The following SDSL variants were observed in gnomAD, a reference collection of about 807,000 sequenced individuals.
SDSL encodes serine dehydratase-like.
SDSL carries 26 observed loss-of-function variants against 27.6 expected under a neutral mutation model. That is an observed-to-expected ratio of 0.94 (90% CI 0.69 to 1.31). SDSL has a LOEUF of 1.31. Among genes scored for constraint, SDSL ranks in the 50% most tolerant of loss-of-function variants. The probability of loss-of-function intolerance (pLI) is 0.00; values close to 1 mark genes in which losing one functional copy is unlikely to be tolerated. For synonymous variants in SDSL, 196 were observed against 180.6 expected (o/e 1.09, Z -0.69); for missense variants, 431 against 423.5 (o/e 1.02, Z -0.16).
At chr12:113,426,138 C>T (rs183659862) in intron 1 of SDSL, 2 of 455,772 alleles carry the variant, frequency 4.4e-6, no homozygotes, top group Middle Eastern at 3.3e-4. Context: ...CGCCCTCACC[C>T]CCTACCCTCA....
In SDSL at chr12:113,435,425, C is replaced by G; in HGVS notation, c.540C>G (p.Ala180=). ...CAGTTGGGGGTGGGGGTCTCCTGGC[C>G]GGGGTGGTGGCTGGCCTGCTGGAGG... The part of the protein sequence containing the change: ...VLAVGGGGLL[A]GVVAGLLEVG... Residue 180 remains alanine (A), a synonymous_variant, in exon 6 of 8, where the codon GCC becomes GCG. Coordinates refer to ENST00000403593, the MANE Select transcript of SDSL (RefSeq NM_001304993.2). 6.2e-7 allele frequency: 1 copy of G among 1,613,388 alleles called. No homozygotes were observed. Among genetic ancestry groups the G allele is most frequent in the Non-Finnish European group, 8.5e-7 (1 of 1,179,706 alleles).
chr12:113,436,890 T>C lies in SDSL; in HGVS notation c.796+15T>C. On this transcript the variant is annotated intron_variant, in intron 7 of 7. Transcript: ENST00000403593. ...GCAGCTCCTGGGTGAGTGATCCCTG[T>C]CCTCCACCTGGGCTCAGAGACCCAC... is the stretch of plus-strand genomic sequence containing the variant. The C allele has an allele frequency of 6.4e-7, 1 of 1,564,986 alleles. No individual in the cohort carries two copies. Among genetic ancestry groups the C allele is most frequent in the Non-Finnish European group, 8.6e-7 (1 of 1,158,862 alleles).
Position 113,436,821 on chromosome 12 carries a change from C to A in SDSL, c.742C>A (p.His248Asn). ...GGAGTGCATGCAGGTGTGCAAGATT[C>A]ACTCTGAAGTGGTGGAGGACACCGA... is the stretch of plus-strand genomic sequence containing the variant. ...ALECMQVCKIHSEVVEDTEAV... is the reference protein window; with the variant it reads ...ALECMQVCKINSEVVEDTEAV... Residue 248 changes from histidine to asparagine, a missense_variant, in exon 7 of 8, where the codon CAC becomes AAC. By Grantham distance (68) the His-to-Asn change is moderately conservative. Transcript: ENST00000403593. 6.2e-7 allele frequency: 1 copy of A among 1,612,346 alleles called. No homozygotes were observed. The highest frequency in any genetic ancestry group is 1.1e-5 in the South Asian group (1 of 90,896).
chr12:113,436,980 G>A (rs1958004793), intron 7 of SDSL, 105 bp downstream of exon 7: 1 of 1,201,974 alleles, frequency 8.3e-7, no homozygotes, highest in Non-Finnish European at 1.1e-6. Context: ...ACCAGGCACT[G>A]GCTAGGTGTG....
intron 7 of SDSL, among the ~76,000 whole-genome samples, chr12:113,437,376 T>C (rs1458038046): frequency 6.6e-6 from 1 of 152,154 alleles, no homozygotes; most frequent in African/African-American, 2.4e-5. Context: ...TAGATGTTTG[T>C]TGATTGAAGG....
chr12:113,435,007 C>G (rs954057505), intron 5 of SDSL, among the ~76,000 whole-genome samples: 2 of 152,056 alleles, frequency 1.3e-5, no homozygotes, highest in African/African-American at 4.8e-5. Flanking sequence ...CCCAGCTACT[C>G]GGGAGGCTGA....
intron 1 of SDSL, chr12:113,425,530 C>T: frequency 2.6e-6 from 1 of 381,182 alleles, no homozygotes; most frequent in Non-Finnish European, 5.1e-6. Context: ...CCCTAGCGGC[C>T]AATAATGGAA....
chr12:113,428,404 T>C lies in SDSL; in HGVS notation c.175-16T>C, dbSNP rs551852388. Reference sequence around the variant, plus strand: ...CTGCTTGGGTTAGCCGCTAACCCCATTCCTTCTCTTCCCAGATGGCCAAGA... The same window carrying C: ...CTGCTTGGGTTAGCCGCTAACCCCACTCCTTCTCTTCCCAGATGGCCAAGA... On this transcript the variant is annotated splice_polypyrimidine_tract_variant and intron_variant, in intron 2 of 7. Transcript: ENST00000403593. 19 of 1,610,434 alleles carry C rather than the reference T, an allele frequency of 1.2e-5. No individual in the cohort carries two copies. In the South Asian group the frequency reaches 2.0e-4, roughly 17 times the overall value.
intron 6 of SDSL, among the ~76,000 whole-genome samples, chr12:113,436,520 C>G (rs906550195): frequency 6.6e-6 from 1 of 152,176 alleles, no homozygotes; most frequent in Non-Finnish European, 1.5e-5. Flanking sequence ...ACTCCCCGAC[C>G]TCAGGTGATC....
chr12:113,429,018 C>A (rs1358479790), intron 3 of SDSL, 142 bp from the exon 4 acceptor site: 1 of 944,358 alleles, frequency 1.1e-6, no homozygotes, highest in Non-Finnish European at 1.5e-6. Context: ...AATTATGTGT[C>A]CCCCTCTTGA....
intron 1 of SDSL, chr12:113,426,196 G>A (rs149346163): frequency 2.2e-6 from 1 of 455,646 alleles, no homozygotes; most frequent in African/African-American, 2.0e-5. Flanking sequence ...ACCCCAAAGT[G>A]CATTTCTCCC....
intron 5 of SDSL, among the ~76,000 whole-genome samples, chr12:113,434,534 C>T (rs774713938): frequency 5.3e-5 from 8 of 152,184 alleles, no homozygotes; most frequent in Non-Finnish European, 1.0e-4. Flanking sequence ...TCTATTTACC[C>T]TCCCCAAAGC....
chr12:113,435,315 C>T lies in SDSL; in HGVS notation c.444-14C>T, dbSNP rs1470065101. ...TCCCTCACTCTGCTTCTCCCTCTCACCCCCCCTCCCCAGGAAAGGCCACGC... is the reference window on the plus strand; with the variant it reads ...TCCCTCACTCTGCTTCTCCCTCTCATCCCCCCTCCCCAGGAAAGGCCACGC... On this transcript the variant is annotated splice_polypyrimidine_tract_variant and intron_variant, in intron 5 of 7. Transcript: ENST00000403593. 1 of 1,473,796 alleles carries T rather than the reference C, an allele frequency of 6.8e-7. No homozygotes were observed. Among genetic ancestry groups the T allele is most frequent in the Admixed American group, 2.3e-5 (1 of 43,476 alleles). 91.3% of individuals were successfully genotyped at this position (1,473,796 alleles called of 1,614,324 possible).
At chr12:113,436,906 A>G in intron 7 of SDSL, 31 bp downstream of exon 7, 1 of 1,527,826 alleles carries the variant, frequency 6.5e-7, no homozygotes, top group Non-Finnish European at 8.8e-7. Flanking sequence ...ACCTGGGCTC[A>G]GAGACCCACG....
At chr12:113,432,225 T>C (rs867783163) in intron 4 of SDSL, among the ~76,000 whole-genome samples, 1 of 25,988 alleles carries the variant, frequency 3.8e-5, no homozygotes, top group Non-Finnish European at 9.6e-5. Flanking sequence ...TCTTTCTTTC[T>C]TTCTTTCTTT....
intron 5 of SDSL, 109 bp downstream of exon 5, chr12:113,434,331 G>T (rs1393486502): frequency 6.2e-6 from 5 of 810,562 alleles, no homozygotes; most frequent in Non-Finnish European, 9.6e-6. Flanking sequence ...GGGAGAAGAG[G>T]CTTCAAAGCC....
At position 113,429,307 on chromosome 12, in the gene SDSL, C is replaced by T; in HGVS notation, c.354+8C>T. The T allele has an allele frequency of 6.2e-7, 1 of 1,604,304 alleles. No individual in the cohort carries two copies. Among genetic ancestry groups the T allele is most frequent in the Non-Finnish European group, 8.5e-7 (1 of 1,172,218 alleles). On this transcript the variant is annotated splice_region_variant and intron_variant, in intron 4 of 7. Transcript: ENST00000403593. ...GTTCAGCTGACTGGAAAGGTAAGGG[C>T]TCTGGGAAGGGGAGAACCATCTGGG...
At chr12:113,424,395 G>T (rs1012880720) in intron 1 of SDSL, among the ~76,000 whole-genome samples, 26 of 152,298 alleles carry the variant, frequency 1.7e-4, no homozygotes, top group African/African-American at 6.0e-4. Flanking sequence ...AGGTCCCCTT[G>T]TTCTTCTCTT....
In SDSL at chr12:113,434,167, T is replaced by A; in HGVS notation, c.388T>A (p.Leu130Met). ...WDEANLRAQE[L>M]AKRDGWENVP... The stretch of plus-strand genomic sequence containing the variant: ...CGAGGCCAATCTGAGGGCGCAAGAG[T>A]TGGCCAAGAGGGACGGCTGGGAGAA... The change falls in exon 5 of 8, where the codon TTG (leucine) becomes ATG (methionine). Residue 130 changes from leucine to methionine, a missense_variant. By Grantham distance (15) the Leu-to-Met change is conservative. Transcript: ENST00000403593. 6.2e-7 allele frequency: 1 copy of A among 1,613,290 alleles called. No homozygotes were observed. Among genetic ancestry groups the A allele is most frequent in the Non-Finnish European group, 8.5e-7 (1 of 1,179,564 alleles).
Sources: allele counts gnomAD v4.1 joint callset (sites outside exome capture counted in the v4.1 genomes callset), GRCh38; gene constraint gnomAD v4.1.1; transcripts MANE v1.5; gene names NCBI Gene and HGNC (gene_info 2026-07-23, HGNC 2026-07-21).